The following LYN variants were observed in gnomAD, a reference collection of about 807,000 sequenced individuals.
LYN encodes the protein tyrosine-protein kinase Lyn.
In LYN, 12 loss-of-function variants were observed where a neutral mutation model predicts 65.0. The ratio of observed to expected loss-of-function variants is 0.18; its 90% CI spans 0.12 to 0.30. LYN has a LOEUF of 0.30. LYN is among the 10% of genes least tolerant of loss of function. The pLI is 1.00. For missense variants in LYN, 380 were observed against 623.2 expected, an observed-to-expected ratio of 0.61 and a Z score of 4.16; for synonymous variants, 222 against 221.2, an observed-to-expected ratio of 1.00 and a Z score of -0.03.
chr8:56,005,874 A>G (rs951731228), intron 12 of LYN, among the ~76,000 whole-genome samples: 1 of 152,202 alleles, frequency 6.6e-6, no homozygotes, highest in Non-Finnish European at 1.5e-5. Context: ...GCTTGAGGCC[A>G]GGAATTTGAG....
chr8:55,970,965 A>G (rs1034263146), intron 10 of LYN, among the ~76,000 whole-genome samples: 3 of 152,240 alleles, frequency 2.0e-5, no homozygotes, highest in African/African-American at 7.2e-5. Flanking sequence ...TGGCACGGAC[A>G]CAAGCACCTC....
intron 1 of LYN, chr8:55,940,104 C>G (rs1806564757): frequency 6.6e-6 from 1 of 152,278 alleles, no homozygotes; most frequent in South Asian, 2.1e-4. Flanking sequence ...CCCAGAAGAG[C>G]TCTTGAGGTT....
intron 1 of LYN, among the ~76,000 whole-genome samples, chr8:55,892,553 T>C (rs920905317): frequency 6.6e-6 from 1 of 152,038 alleles, no homozygotes; most frequent in African/African-American, 2.4e-5. Flanking sequence ...AGTATCTTTC[T>C]TTTTTTTGAG....
intron 3 of LYN, among the ~76,000 whole-genome samples, chr8:55,947,287 A>C (rs1426913794): frequency 1.3e-5 from 2 of 152,248 alleles, no homozygotes; most frequent in Non-Finnish European, 2.9e-5. Context: ...ATGTTTATCC[A>C]TTCCTCCATC....
chr8:55,924,185 C>T (rs547471094), intron 1 of LYN, among the ~76,000 whole-genome samples: 2 of 151,930 alleles, frequency 1.3e-5, no homozygotes, highest in African/African-American at 2.4e-5. Context: ...GTACCTCTCA[C>T]GATGTGTGAG....
rs1187885812 is a variant in LYN, at chr8:56,011,069, T to C, written c.*959T>C. ...TGAACATTATGTTAAAGATCAAGTA[T>C]TAATTTTAGTTGTACTCTAGAAAGC... On this transcript the variant is annotated 3_prime_UTR_variant, in exon 13 of 13. Transcript: ENST00000519728. 8.6e-6 allele frequency: 2 copies of C among 231,290 alleles called. No homozygotes were observed. Among genetic ancestry groups the C allele is most frequent in the African/African-American group, 4.4e-5 (2 of 45,276 alleles). 14.3% of individuals were successfully genotyped at this position (231,290 alleles called of 1,614,324 possible).
chr8:55,985,420 A>G (rs1808049721), intron 10 of LYN, among the ~76,000 whole-genome samples: 1 of 152,298 alleles, frequency 6.6e-6, no homozygotes, highest in East Asian at 1.9e-4. Flanking sequence ...ACGCACTTCA[A>G]AGGGGTTGAA....
intron 1 of LYN, among the ~76,000 whole-genome samples, chr8:55,899,502 T>C (rs970739711): frequency 6.6e-6 from 1 of 152,178 alleles, no homozygotes; most frequent in African/African-American, 2.4e-5. Flanking sequence ...TTCTGGGAAA[T>C]GTATAATAAA....
chr8:55,952,760 G>A (rs933114132), intron 7 of LYN, among the ~76,000 whole-genome samples: 2 of 152,166 alleles, frequency 1.3e-5, no homozygotes, highest in African/African-American at 4.8e-5. Context: ...TCTGGAATAG[G>A]AATGCAGATT....
chr8:55,981,037 G>A (rs1807903180), intron 10 of LYN, among the ~76,000 whole-genome samples: 1 of 152,076 alleles, frequency 6.6e-6, no homozygotes, highest in Admixed American at 6.6e-5. Context: ...CCGTTCAGTG[G>A]GTCCCCACCA....
intron 12 of LYN, among the ~76,000 whole-genome samples, chr8:56,000,628 T>C (rs1016375356): frequency 7.5e-5 from 11 of 147,084 alleles, no homozygotes; most frequent in Non-Finnish European, 1.5e-4. Flanking sequence ...CTTGGGAGGC[T>C]GAGGCAGGAG....
chr8:55,938,453 G>A (rs1806504671), intron 1 of LYN, among the ~76,000 whole-genome samples: 2 of 152,114 alleles, frequency 1.3e-5, no homozygotes, highest in South Asian at 2.1e-4. Flanking sequence ...TTCCTGTTGG[G>A]GACACACATT....
rs527508795 is a variant in LYN at position 56,010,057 on chromosome 8, G to A, written c.1486G>A (p.Val496Ile). 12 of 1,614,174 alleles carry A rather than the reference G, an allele frequency of 7.4e-6. No individual in the cohort carries two copies. The South Asian group carries it at 9.9e-5, about 13-fold the overall frequency. ...ERPTFDYLQS[V>I]LDDFYTATEG... is the part of the protein sequence containing the mutation. ...ACCAACGTTTGACTACTTACAGAGC[G>A]TCCTGGATGATTTCTACACAGCCAC... The change falls in exon 13 of 13, where the codon GTC becomes ATC. Residue 496 changes from valine to isoleucine, a missense_variant. Physicochemically the swap from Val to Ile is conservative, Grantham distance 29. This residue lies in a region of LYN where 223 missense variants were observed against 430.0 expected (regional missense o/e 0.52). Transcript: ENST00000519728.
chr8:56,000,556 G>C (rs866787054), intron 12 of LYN, among the ~76,000 whole-genome samples: 1 of 151,534 alleles, frequency 6.6e-6, no homozygotes, highest in Non-Finnish European at 1.5e-5. Context: ...GTGAAACCCC[G>C]TCATTACTAA....
intron 10 of LYN, among the ~76,000 whole-genome samples, chr8:55,978,740 G>A (rs1000643466): frequency 6.6e-6 from 1 of 152,174 alleles, no homozygotes; most frequent in Non-Finnish European, 1.5e-5. Flanking sequence ...GTTCTGACAC[G>A]CAGTCAGAGA....
chr8:55,912,110 T>C (rs898466182), intron 1 of LYN, among the ~76,000 whole-genome samples: 2 of 152,148 alleles, frequency 1.3e-5, no homozygotes, highest in Non-Finnish European at 2.9e-5. Flanking sequence ...ACCTTAGAGA[T>C]AATCATTTAA....
At chr8:55,944,520 G>A (rs1036509812) in intron 2 of LYN, among the ~76,000 whole-genome samples, 1 of 152,158 alleles carries the variant, frequency 6.6e-6, no homozygotes, top group East Asian at 1.9e-4. Context: ...TGCTCTTGTT[G>A]CCCAGGCTGG....
chr8:55,946,246 C>G (rs1351601196), intron 2 of LYN, among the ~76,000 whole-genome samples: 1 of 152,218 alleles, frequency 6.6e-6, no homozygotes, highest in African/African-American at 2.4e-5. Context: ...CCACCCACAG[C>G]AAGTGATAAA....
chr8:55,936,798 T>C (rs1482949158), intron 1 of LYN, among the ~76,000 whole-genome samples: 1 of 152,058 alleles, frequency 6.6e-6, no homozygotes, highest in Non-Finnish European at 1.5e-5. Flanking sequence ...AAAGAAATAA[T>C]ACATTAAAAA....
Sources: allele counts gnomAD v4.1 joint callset (sites outside exome capture counted in the v4.1 genomes callset), GRCh38; gene constraint gnomAD v4.1.1; regional missense constraint gnomAD v4.1.1; transcripts MANE v1.5; gene names NCBI Gene and HGNC (gene_info 2026-07-23, HGNC 2026-07-21).